Variants in ABCA7 observed in about 807,000 individuals in gnomAD.
The protein encoded by ABCA7 is ATP binding cassette subfamily A member 7.
In ABCA7, 261 loss-of-function variants were observed where a neutral mutation model predicts 227.6. The ratio of observed to expected loss-of-function variants is 1.15; its 90% CI spans 1.04 to 1.27. The LOEUF (loss-of-function observed/expected upper bound fraction) is 1.27, where lower values mean the gene tolerates loss of function less well. ABCA7 is among the 50% of genes most tolerant of loss of function. The pLI is 0.00. For synonymous variants in ABCA7, 1,488 were observed against 1,279.7 expected (o/e 1.16, Z -3.47); for missense variants, 3,331 against 2,924.5 (o/e 1.14, Z -3.21).
rs2042708652 is a variant in ABCA7 at position 1,062,259 on chromosome 19, G to A, written c.5658G>A (p.Glu1886=). ...TCTTTGAGCTGCTGACGGGCCGCGA[G>A]CACCTGGAGCTGCTTGCGCGCCTGC... ...DAIFELLTGR[E]HLELLARLRG... The change falls in exon 42 of 47, where the codon GAG becomes GAA. Residue 1886 remains glutamate, a synonymous_variant. Coordinates refer to ENST00000263094, the MANE Select transcript of ABCA7 (RefSeq NM_019112.4). The A allele has an allele frequency of 6.2e-7, 1 of 1,611,404 alleles. No individual in the cohort carries two copies. Among genetic ancestry groups the A allele is most frequent in the Middle Eastern group, 1.7e-4 (1 of 6,056 alleles).
At position 1,060,207 on chromosome 19, in the gene ABCA7, A is replaced by ATATTTTTTTT; in HGVS notation, c.5463+1123_5463+1124insATTTTTTTTT. 1.9e-3 allele frequency among the ~76,000 whole-genome samples: 186 copies of ATATTTTTTTT among 96,852 alleles called. 3 individuals carry two copies. The highest frequency in any genetic ancestry group is 5.8e-3 in the African/African-American group (168 of 28,752). The allele number at this position is 96,852 out of a possible 152,430, so 63.5% of individuals were successfully genotyped here. The stretch of plus-strand genomic sequence containing the variant: ...AGCACACATTGCAGTATATATATAT[A>ATATTTTTTTT]TTTTTTTTTCTTTTTTTTTCTTTTG... On this transcript the variant is annotated intron_variant, in intron 40 of 46. Transcript: ENST00000263094.
At position 1,057,306 on chromosome 19, in the gene ABCA7, C is replaced by T. The variant is rs1164562931; in HGVS notation, c.4765-8C>T. On this transcript the variant is annotated splice_polypyrimidine_tract_variant and splice_region_variant and intron_variant, in intron 34 of 46. Transcript: ENST00000263094. ...GGCTGATAAAGGTAACTGCCATCTCCAATGCAGTGTAACTACTTGGTGCCA... is the reference window on the plus strand; with the variant it reads ...GGCTGATAAAGGTAACTGCCATCTCTAATGCAGTGTAACTACTTGGTGCCA... 4 of 1,613,410 alleles carry T rather than the reference C, an allele frequency of 2.5e-6. No homozygotes were observed. Among genetic ancestry groups the T allele is most frequent in the Non-Finnish European group, 3.4e-6 (4 of 1,179,704 alleles).
chr19:1,057,257 AGGG>A, intron 34 of ABCA7, 54 bp from the exon 35 acceptor site: 1 of 1,592,130 alleles, frequency 6.3e-7, no homozygotes, highest in Non-Finnish European at 8.6e-7. Context: ...AACAGGGCTG[AGGG>A]TGGCAGTGCC....
rs1251910899 is a variant in ABCA7, at chr19:1,056,398, C to T, written c.4485C>T (p.Leu1495=). ...AFVNRASNAI[L]RAHLPPGPAR... is the part of the protein sequence containing the mutation. ...TCAACCGAGCCAGCAACGCAATCCT[C>T]CGTGCTCACCTGCCCCCAGGCCCGG... Residue 1495 remains leucine (L), a synonymous_variant, in exon 33 of 47, where the codon CTC becomes CTT. Transcript: ENST00000263094. The surrounding 1 kb of genome is among the most constrained non-coding windows in gnomAD (Gnocchi z 4.3). 15 of 1,613,460 alleles carry T rather than the reference C, an allele frequency of 9.3e-6. No homozygotes were observed. The highest frequency in any genetic ancestry group is 3.3e-5 in the South Asian group (3 of 91,084).
intron 30 of ABCA7, 146 bp downstream of exon 30, chr19:1,055,497 C>CTTT: frequency 1.3e-6 from 1 of 775,224 alleles, no homozygotes. Flanking sequence ...CCTTCCTTTC[C>CTTT]TCTTTTTTTT....
intron 7 of ABCA7, 35 bp downstream of exon 7, chr19:1,042,861 G>A: frequency 6.5e-7 from 1 of 1,536,140 alleles, no homozygotes; most frequent in Non-Finnish European, 8.8e-7. Context: ...CCCCCATGGA[G>A]GCAACGTTGG....
At chr19:1,044,238 CTTT>C (rs4147941) in intron 10 of ABCA7, among the ~76,000 whole-genome samples, 2 of 69,672 alleles carry the variant, frequency 2.9e-5, no homozygotes, top group African/African-American at 6.8e-5. Flanking sequence ...CCACGTCCTG[CTTT>C]TTTTTTTTTT....
At chr19:1,053,281 G>T (rs2041938130) in intron 23 of ABCA7, 48 bp from the exon 24 acceptor site, 2 of 1,563,330 alleles carry the variant, frequency 1.3e-6, no homozygotes, top group Non-Finnish European at 8.7e-7. Context: ...GGGAGACTGG[G>T]GTGGGGCGTG....
In ABCA7 at chr19:1,057,028, C is replaced by T. The variant is rs1488106843; in HGVS notation, c.4708C>T (p.Leu1570Phe). Reference protein sequence around the residue: ...ERVTRAKHLQLMGGLSPTLYW... With the variant: ...ERVTRAKHLQFMGGLSPTLYW... Reference sequence around the variant, plus strand: ...AGTCACCCGAGCCAAGCACCTGCAGCTCATGGGGGGCCTGTCCCCCACCCT... The same window carrying T: ...AGTCACCCGAGCCAAGCACCTGCAGTTCATGGGGGGCCTGTCCCCCACCCT... Residue 1570 changes from leucine (L) to phenylalanine (F), a missense_variant, in exon 34 of 47, where the codon CTC (leucine) becomes TTC (phenylalanine). Transcript: ENST00000263094. 6.2e-7 allele frequency: 1 copy of T among 1,613,796 alleles called. No individual in the cohort carries two copies. Among genetic ancestry groups the T allele is most frequent in the Non-Finnish European group, 8.5e-7 (1 of 1,180,036 alleles).
At position 1,042,488 on chromosome 19, in the gene ABCA7, G is replaced by A. The variant is rs4147905; in HGVS notation, c.498+91G>A. 394 of 1,483,278 alleles carry A rather than the reference G, an allele frequency of 2.7e-4. 4 individuals carry two copies. The East Asian group carries it at 9.0e-3, about 34-fold the overall frequency. The allele number at this position is 1,483,278 out of a possible 1,614,324, so 91.9% of individuals were successfully genotyped here. A position where few individuals can be genotyped will look rare whatever the true frequency, so the allele number is the denominator to read the frequency against. On this transcript the variant is annotated intron_variant, in intron 6 of 46. Transcript: ENST00000263094. The stretch of plus-strand genomic sequence containing the variant: ...CCCCACCCCGGGCCAAGGACCTCCC[G>A]TTCCAGGCATCCAGGCTGTCCCTGG...
intron 21 of ABCA7, 129 bp downstream of exon 21, chr19:1,051,715 G>A: frequency 1.9e-6 from 2 of 1,071,446 alleles, no homozygotes; most frequent in South Asian, 3.1e-5. Flanking sequence ...GGCATTTAGG[G>A]GCTACTGCTC....
chr19:1,047,410 G>GCCC, intron 15 of ABCA7, 32 bp downstream of exon 15: 1 of 1,544,216 alleles, frequency 6.5e-7, no homozygotes, highest in Non-Finnish European at 8.7e-7. Context: ...GATGGGGGAC[G>GCCC]CCCCCCGCTT....
At position 1,049,371 on chromosome 19, in the gene ABCA7, T is replaced by C; in HGVS notation, c.2486T>C (p.Leu829Pro). Reference sequence around the variant, plus strand: ...CAGCCAGCCCTGCGGGGGCTCAGCCTGGACTTCTACCAGGGCCACATCACC... The same window carrying C: ...CAGCCAGCCCTGCGGGGGCTCAGCCCGGACTTCTACCAGGGCCACATCACC... The part of the protein sequence containing the change: ...SPQPALRGLS[L>P]DFYQGHITAF... Residue 829 changes from leucine (L) to proline (P), a missense_variant, in exon 18 of 47, where the codon CTG becomes CCG. Transcript: ENST00000263094. 1 of 1,611,348 alleles carries C rather than the reference T, an allele frequency of 6.2e-7. No individual in the cohort carries two copies. The highest frequency in any genetic ancestry group is 8.5e-7 in the Non-Finnish European group (1 of 1,179,110).
At chr19:1,065,235 G>A in intron 46 of ABCA7, 35 bp from the exon 47 acceptor site, 2 of 1,608,810 alleles carry the variant, frequency 1.2e-6, no homozygotes, top group African/African-American at 1.3e-5. Context: ...TGGGCTGACC[G>A]TCCCTCTTGT....
At position 1,053,801 on chromosome 19, in the gene ABCA7, T is replaced by G; in HGVS notation, c.3437T>G (p.Val1146Gly). The G allele has an allele frequency of 1.9e-6, 3 of 1,612,130 alleles. No homozygotes were observed. The South Asian group carries it at 3.3e-5, about 18-fold the overall frequency. Residue 1146 changes from valine (V) to glycine (G), a missense_variant, in exon 25 of 47, where the codon GTG becomes GGG. Coordinates refer to ENST00000263094, the MANE Select transcript of ABCA7 (RefSeq NM_019112.4). ...TTGTCTCCCCAGATCTTCCTGAAGG[T>G]GGTGGAGGAGTGTGCTGCGGACACA... is the stretch of plus-strand genomic sequence containing the variant. ...DTSLEEIFLKVVEECAADTDM... is the reference protein window; with the variant it reads ...DTSLEEIFLKGVEECAADTDM...
At position 1,056,590 on chromosome 19, in the gene ABCA7, C is replaced by A; in HGVS notation, c.4586+91C>A. ...TGGGGTGGTGGGAGCTGGATTTGAACCCTGACACACTCTTGCTTTATAAAT... is the reference window on the plus strand; with the variant it reads ...TGGGGTGGTGGGAGCTGGATTTGAAACCTGACACACTCTTGCTTTATAAAT... On this transcript the variant is annotated intron_variant, in intron 33 of 46. Coordinates refer to ENST00000263094, the MANE Select transcript of ABCA7 (RefSeq NM_019112.4). This position sits in a 1 kb window ranked among gnomAD's most constrained non-coding sequence, Gnocchi z 4.3. 7.1e-7 allele frequency: 1 copy of A among 1,415,086 alleles called. No individual in the cohort carries two copies. The highest frequency in any genetic ancestry group is 9.6e-7 in the Non-Finnish European group (1 of 1,046,138). 87.7% of individuals were successfully genotyped at this position (1,415,086 alleles called of 1,614,324 possible). A position where few individuals can be genotyped will look rare whatever the true frequency, so the allele number is the denominator to read the frequency against.
intron 12 of ABCA7, among the ~76,000 whole-genome samples, chr19:1,045,775 C>T (rs943932593): frequency 1.2e-4 from 18 of 149,534 alleles, no homozygotes; most frequent in African/African-American, 4.4e-4. Flanking sequence ...CTGAGGCGGG[C>T]GGATCACGAG....
At chr19:1,061,998 G>A (rs1273470838) in intron 41 of ABCA7, 110 bp downstream of exon 41, 16 of 1,426,696 alleles carry the variant, frequency 1.1e-5, no homozygotes, top group Non-Finnish European at 1.2e-5. Context: ...CCCCACACCT[G>A]CATGGTCTCT....
In ABCA7 at chr19:1,045,504, A is replaced by G. The variant is rs2040535154; in HGVS notation, c.1445+273A>G. ...AATGGTGGGCGGAGCCAGGTGTATT[A>G]TTAGGTCCCTGGAATAAGGGTGGAG... On this transcript the variant is annotated intron_variant, in intron 12 of 46. Coordinates refer to ENST00000263094, the MANE Select transcript of ABCA7 (RefSeq NM_019112.4). The G allele has an allele frequency of 8.4e-6, 4 of 477,530 alleles. No individual in the cohort carries two copies. In the East Asian group the frequency reaches 1.5e-4, roughly 17 times the overall value. The allele number at this position is 477,530 out of a possible 1,614,324, so 29.6% of individuals were successfully genotyped here. A position where few individuals can be genotyped will look rare whatever the true frequency, so the allele number is the denominator to read the frequency against.
Sources: gnomAD v4.1 joint callset for allele counts (sites outside exome capture counted in the v4.1 genomes callset) on GRCh38, gnomAD v4.1.1 for gene constraint, Gnocchi (gnomAD v3.1) non-coding constraint, MANE v1.5 for transcripts, NCBI Gene and HGNC (gene_info 2026-07-23, HGNC 2026-07-21) for gene names.